The following CYLD variants were observed in gnomAD, a reference collection of about 807,000 sequenced individuals.
The protein encoded by CYLD is CYLD lysine 63 deubiquitinase, also known as ubiquitin carboxyl-terminal hydrolase CYLD.
In CYLD, 26 loss-of-function variants were observed where a neutral mutation model predicts 104.5. The observed-to-expected ratio is 0.25, with a 90% CI of 0.18 to 0.35. The LOEUF is 0.35. Among genes scored for constraint, CYLD ranks in the 10% least tolerant of loss-of-function variants. CYLD has a pLI of 1.00. For synonymous variants in CYLD, 385 were observed against 399.9 expected (o/e 0.96, Z 0.45); for missense variants, 703 against 1,136.1 (o/e 0.62, Z 5.48).
intron 5 of CYLD, among the ~76,000 whole-genome samples, chr16:50,754,987 A>G (rs1295442207): frequency 3.8e-4 from 6 of 15,774 alleles, no homozygotes; most frequent in Middle Eastern, 0.036. Flanking sequence ...ATACATATAT[A>G]CATATATATG....
rs1969843803 is a variant in CYLD at position 50,777,872 on chromosome 16, A to G, written c.1069A>G (p.Thr357Ala). 6.2e-7 allele frequency: 1 copy of G among 1,609,318 alleles called. No individual in the cohort carries two copies. Among genetic ancestry groups the G allele is most frequent in the Non-Finnish European group, 8.5e-7 (1 of 1,176,116 alleles). Residue 357 changes from threonine (T) to alanine (A), a missense_variant, in exon 8 of 19, where the codon ACC becomes GCC. This residue lies in a region of CYLD where 183 missense variants were observed against 212.1 expected (regional missense o/e 0.86). Coordinates refer to ENST00000427738, the MANE Select transcript of CYLD (RefSeq NM_001378743.1). ...TAGAAACAGATCTGAATTATTTTAT[A>G]CCTTAAATGGGTCTTCTGTTGACTC... is the stretch of plus-strand genomic sequence containing the variant. ...GNRNRSELFY[T>A]LNGSSVDSQP...
intron 5 of CYLD, among the ~76,000 whole-genome samples, chr16:50,754,953 A>ATATACATATACACACATATATG (rs1966864877): frequency 6.8e-6 from 1 of 146,554 alleles, no homozygotes; most frequent in East Asian, 2.0e-4. Flanking sequence ...ATACACACAT[A>ATATACATATACACACATATATG]TATACATATA....
rs1208105996 is a variant in CYLD at position 50,755,048 on chromosome 16, T to G, written c.913+624T>G. On this transcript the variant is annotated intron_variant, in intron 5 of 18. Coordinates refer to ENST00000427738, the MANE Select transcript of CYLD (RefSeq NM_001378743.1). ...ACATATATATGTATATATACATATA[T>G]ATGTATATATACATATAGATATGTA... is the stretch of plus-strand genomic sequence containing the variant. Among the ~76,000 whole-genome samples, 4 of 33,668 alleles carry G rather than the reference T, an allele frequency of 1.2e-4. 1 individual carries two copies. Among genetic ancestry groups the G allele is most frequent in the African/African-American group, 7.3e-4 (4 of 5,516 alleles). The allele number at this position is 33,668 out of a possible 152,430, so 22.1% of individuals were successfully genotyped here. A position where few individuals can be genotyped will look rare whatever the true frequency, so the allele number is the denominator to read the frequency against.
Position 50,801,155 on chromosome 16 carries a change from C to G in CYLD, c.*4647C>G. 4.3e-6 allele frequency: 1 copy of G among 233,430 alleles called. No homozygotes were observed. The highest frequency in any genetic ancestry group is 8.5e-6 in the Non-Finnish European group (1 of 118,076). The allele number at this position is 233,430 out of a possible 1,614,324, so 14.5% of individuals were successfully genotyped here. On this transcript the variant is annotated 3_prime_UTR_variant, in exon 19 of 19. Coordinates refer to ENST00000427738, the MANE Select transcript of CYLD (RefSeq NM_001378743.1). ...AAAGACTGTTCATCTTATTCTGAAT[C>G]CTGGAGCAGCTGAAGGTTTTCTCTT...
At chr16:50,792,778 GT>G in intron 16 of CYLD, 73 bp downstream of exon 16, 1 of 810,148 alleles carries the variant, frequency 1.2e-6, no homozygotes, top group Non-Finnish European at 2.1e-6. Context: ...TCAGTTGTGG[GT>G]TAGACTCTAA....
intron 5 of CYLD, among the ~76,000 whole-genome samples, chr16:50,768,252 C>G (rs1335336888): frequency 6.6e-6 from 1 of 151,918 alleles, no homozygotes; most frequent in East Asian, 1.9e-4. Flanking sequence ...TGCAAATAGA[C>G]TTTAAAAACT....
At chr16:50,785,994 G>A (rs1340987378) in intron 12 of CYLD, 1 of 152,170 alleles carries the variant, frequency 6.6e-6, no homozygotes, top group Admixed American at 6.5e-5. Flanking sequence ...ACTTATGGTA[G>A]CCGCCAAGTT....
At chr16:50,772,297 G>A (rs1340967005) in intron 5 of CYLD, among the ~76,000 whole-genome samples, 2 of 152,122 alleles carry the variant, frequency 1.3e-5, no homozygotes, top group Admixed American at 1.3e-4. Context: ...TCTCTGTGAT[G>A]TTATTTCTTA....
At chr16:50,786,262 C>A (rs1970804259) in intron 12 of CYLD, 1 of 152,136 alleles carries the variant, frequency 6.6e-6, no homozygotes, top group East Asian at 1.9e-4. Flanking sequence ...ATTTCCCAAG[C>A]AAATATTATT....
At chr16:50,760,158 C>T (rs926975972) in intron 5 of CYLD, among the ~76,000 whole-genome samples, 4 of 152,146 alleles carry the variant, frequency 2.6e-5, no homozygotes, top group African/African-American at 9.7e-5. Context: ...TTCACTTCCT[C>T]CTAAATACTT....
At chr16:50,755,242 C>CACGTGT (rs1967080267) in intron 5 of CYLD, among the ~76,000 whole-genome samples, 1 of 150,512 alleles carries the variant, frequency 6.6e-6, no homozygotes, top group Non-Finnish European at 1.5e-5. Flanking sequence ...TGTATATACA[C>CACGTGT]ACATATGTGT....
chr16:50,794,297 G>T lies in CYLD; in HGVS notation c.2555G>T (p.Gly852Val). The change falls in exon 18 of 19, where the codon GGC becomes GTC. Residue 852 changes from glycine (G) to valine (V), a missense_variant. Transcript: ENST00000427738. This position sits in a 1 kb window ranked among gnomAD's most constrained non-coding sequence, Gnocchi z 4.1. ...TTACCCGACTGGGACTGGAGACACG[G>T]CTGCATCCCTTGCCAGAATATGGAG... ...KDLPDWDWRH[G>V]CIPCQNMELF... 1 of 1,614,174 alleles carries T rather than the reference G, an allele frequency of 6.2e-7. No individual in the cohort carries two copies. Among genetic ancestry groups the T allele is most frequent in the Non-Finnish European group, 8.5e-7 (1 of 1,180,012 alleles).
chr16:50,780,917 A>G (rs929171466), intron 9 of CYLD, among the ~76,000 whole-genome samples: 3 of 152,144 alleles, frequency 2.0e-5, no homozygotes, highest in African/African-American at 7.2e-5. Context: ...GAGGGTTAAA[A>G]TAAATAGCCT....
chr16:50,788,460 A>C (rs183794035), intron 14 of CYLD, among the ~76,000 whole-genome samples: 2 of 152,184 alleles, frequency 1.3e-5, no homozygotes, highest in Non-Finnish European at 2.9e-5. Flanking sequence ...TATCCTATAC[A>C]CTTCCCTAAA....
In CYLD at chr16:50,752,094, T is replaced by C. The variant is rs1966681306; in HGVS notation, c.807+188T>C. Among the ~76,000 whole-genome samples the C allele has an allele frequency of 1.3e-5, 2 of 151,078 alleles. 1 individual carries two copies. Among genetic ancestry groups the C allele is most frequent in the South Asian group, 4.1e-4 (2 of 4,822 alleles). On this transcript the variant is annotated intron_variant, in intron 4 of 18. Transcript: ENST00000427738. ...TGAACACTTTGAATATTTAACATGA[T>C]CTAATTTGGAGTACTTTAAAGAACA... is the stretch of plus-strand genomic sequence containing the variant.
chr16:50,798,484 T>C lies in CYLD; in HGVS notation c.*1976T>C, dbSNP rs975881489. 4.3e-6 allele frequency: 1 copy of C among 232,664 alleles called. No individual in the cohort carries two copies. The highest frequency in any genetic ancestry group is 5.6e-5 in the Admixed American group (1 of 17,746). The allele number at this position is 232,664 out of a possible 1,614,324, so 14.4% of individuals were successfully genotyped here. A position where few individuals can be genotyped will look rare whatever the true frequency, so the allele number is the denominator to read the frequency against. On this transcript the variant is annotated 3_prime_UTR_variant, in exon 19 of 19. Coordinates refer to ENST00000427738, the MANE Select transcript of CYLD (RefSeq NM_001378743.1). ...TACAGGAGGATGTGTGTCAGTTATA[T>C]GCAAATTCTGTACCATTTTGTATCA...
Position 50,787,938 on chromosome 16 carries a change from A to G in CYLD, c.2108+86A>G. 3 of 800,956 alleles carry G rather than the reference A, an allele frequency of 3.7e-6. No homozygotes were observed. In the South Asian group the frequency reaches 4.7e-5, roughly 12 times the overall value. The allele number at this position is 800,956 out of a possible 1,614,324, so 49.6% of individuals were successfully genotyped here. On this transcript the variant is annotated intron_variant, in intron 14 of 18. Transcript: ENST00000427738. ...TTATTCAACAGACATGATTTCCAGAATGATTTCTTAATATTGTATTTGTTT... is the reference window on the plus strand; with the variant it reads ...TTATTCAACAGACATGATTTCCAGAGTGATTTCTTAATATTGTATTTGTTT...
rs1299045121 is a variant in CYLD at position 50,794,203 on chromosome 16, C to G, written c.2470-9C>G. ...GGCCTAATGACATTCTTTTCATGGTCCATTTTAGGTCCACCTTCATCCGAA... is the reference window on the plus strand; with the variant it reads ...GGCCTAATGACATTCTTTTCATGGTGCATTTTAGGTCCACCTTCATCCGAA... On this transcript the variant is annotated splice_polypyrimidine_tract_variant and intron_variant, in intron 17 of 18. Coordinates refer to ENST00000427738, the MANE Select transcript of CYLD (RefSeq NM_001378743.1). This position sits in a 1 kb window ranked among gnomAD's most constrained non-coding sequence, Gnocchi z 4.1. 2 of 1,612,508 alleles carry G rather than the reference C, an allele frequency of 1.2e-6. No individual in the cohort carries two copies. The highest frequency in any genetic ancestry group is 1.7e-6 in the Non-Finnish European group (2 of 1,178,860).
intron 5 of CYLD, among the ~76,000 whole-genome samples, chr16:50,766,971 G>T (rs1222729530): frequency 6.6e-6 from 1 of 152,236 alleles, no homozygotes; most frequent in East Asian, 1.9e-4. Flanking sequence ...TAAAGAAGCA[G>T]CAGGGCTTGG....
Sources: gnomAD v4.1 joint callset for allele counts (sites outside exome capture counted in the v4.1 genomes callset) on GRCh38, gnomAD v4.1.1 for gene constraint, gnomAD v4.1.1 regional missense constraint, Gnocchi (gnomAD v3.1) non-coding constraint, MANE v1.5 for transcripts, NCBI Gene and HGNC (gene_info 2026-07-23, HGNC 2026-07-21) for gene names.